ZNF221: variants seen among roughly 807,000 people sequenced by gnomAD.
ZNF221 encodes the protein zinc finger protein 221.
In ZNF221, 10 loss-of-function variants were observed where a neutral mutation model predicts 12.6. The ratio of observed to expected loss-of-function variants is 0.79; its 90% confidence interval spans 0.49 to 1.34. The LOEUF (loss-of-function observed/expected upper bound fraction) is 1.34, where lower values mean the gene tolerates loss of function less well. ZNF221 is among the 40% of genes most tolerant of loss of function. The pLI is 0.00. For missense variants in ZNF221, 661 were observed against 721.4 expected (o/e 0.92, Z 0.96); for synonymous variants, 232 against 244.0 (o/e 0.95, Z 0.46).
Position 43,966,351 on chromosome 19 carries a change from T to C in ZNF221, c.849T>C (p.Asn283=), listed in dbSNP as rs1285790654. 55 of 1,613,992 alleles carry C rather than the reference T, an allele frequency of 3.4e-5. No homozygotes were observed. Among genetic ancestry groups the C allele is most frequent in the Non-Finnish European group, 4.5e-5 (53 of 1,180,018 alleles). ...TGCACACAGGAGAGAAACCTTATAATTGTGAGGAATGTGGGAAAGCCTTCA... is the reference window on the plus strand; with the variant it reads ...TGCACACAGGAGAGAAACCTTATAACTGTGAGGAATGTGGGAAAGCCTTCA... ...CKLHTGEKPY[N]CEECGKAFIH... is the part of the protein sequence containing the mutation. Residue 283 remains asparagine (N), a synonymous_variant, in exon 5 of 5, where the codon AAT becomes AAC. Transcript: ENST00000587682.
At chr19:43,975,388 A>G in the ZNF221 span, among the ~76,000 whole-genome samples, 7 of 152,008 alleles carry the variant, frequency 4.6e-5, no homozygotes, top group Non-Finnish European at 8.8e-5. Flanking sequence ...TAGATCATCC[A>G]GGACATGGAT....
intron 1 of ZNF221, among the ~76,000 whole-genome samples, chr19:43,958,044 T>C (rs1005140228): frequency 2.0e-5 from 3 of 152,222 alleles, no homozygotes; most frequent in African/African-American, 7.2e-5. Flanking sequence ...AGGATGTCTT[T>C]GGTTGATGAT....
chr19:43,969,887 G>T (rs73038602), downstream of ZNF221, among the ~76,000 whole-genome samples: 3 of 152,116 alleles, frequency 2.0e-5, no homozygotes, highest in Admixed American at 1.3e-4. Context: ...CTCCCCCACC[G>T]CAGCACACCT....
rs913073299 is a variant in ZNF221 at position 43,965,120 on chromosome 19, A to T, written c.208+44A>T. On this transcript the variant is annotated intron_variant, in intron 3 of 4. Coordinates refer to ENST00000587682, the MANE Select transcript of ZNF221 (RefSeq NM_001297588.2). ...TGTAACAGAATGTTAGGCCCCAGGAATGGCTTTGTATTCCAAGTTTGAGTA... is the reference window on the plus strand; with the variant it reads ...TGTAACAGAATGTTAGGCCCCAGGATTGGCTTTGTATTCCAAGTTTGAGTA... 3.7e-6 allele frequency: 6 copies of T among 1,606,050 alleles called. No individual in the cohort carries two copies. The African/African-American group carries it at 5.4e-5, about 14-fold the overall frequency.
Position 43,966,063 on chromosome 19 carries a change from T to G in ZNF221, c.561T>G (p.Leu187=), listed in dbSNP as rs1245147979. 1.9e-6 allele frequency: 3 copies of G among 1,614,132 alleles called. No homozygotes were observed. The African/African-American group carries it at 4.0e-5, about 22-fold the overall frequency. ...TCAGTGATGTTTCTGTCTTTGATCTTCATCAACAATCACACTCAGGAGAGA... is the reference window on the plus strand; with the variant it reads ...TCAGTGATGTTTCTGTCTTTGATCTGCATCAACAATCACACTCAGGAGAGA... ...QSFSDVSVFD[L]HQQSHSGEKS... The change falls in exon 5 of 5, where the codon CTT becomes CTG. Residue 187 remains leucine (L), a synonymous_variant. Transcript: ENST00000587682.
At chr19:43,959,163 T>C (rs1167500876) in intron 1 of ZNF221, among the ~76,000 whole-genome samples, 1 of 152,252 alleles carries the variant, frequency 6.6e-6, no homozygotes, top group African/African-American at 2.4e-5. Flanking sequence ...TTAGTTTCTC[T>C]CACAATCCAG....
intron 1 of ZNF221, among the ~76,000 whole-genome samples, chr19:43,961,563 G>T (rs1275475833): frequency 2.0e-5 from 3 of 151,528 alleles, no homozygotes; most frequent in Non-Finnish European, 4.4e-5. Flanking sequence ...ATTAGATATG[G>T]CTAGACACCA....
At chr19:43,972,899 T>G in the ZNF221 span, among the ~76,000 whole-genome samples, 1 of 152,122 alleles carries the variant, frequency 6.6e-6, no homozygotes, top group Admixed American at 6.5e-5. Context: ...TTAACTCTTT[T>G]TATGAGGCCA....
downstream of ZNF221, among the ~76,000 whole-genome samples, chr19:43,972,100 C>CA (rs1975109779): frequency 2.0e-5 from 3 of 152,096 alleles, no homozygotes; most frequent in South Asian, 6.2e-4. Flanking sequence ...GAAATTCACC[C>CA]AAAAAATTAA....
At chr19:43,975,202 T>A in the ZNF221 span, among the ~76,000 whole-genome samples, 1 of 152,136 alleles carries the variant, frequency 6.6e-6, no homozygotes, top group South Asian at 2.1e-4. Context: ...CTGTAATATA[T>A]ACCCCCAAAT....
chr19:43,962,663 G>A lies in ZNF221; in HGVS notation c.-2-62G>A, dbSNP rs542152063. On this transcript the variant is annotated intron_variant, in intron 1 of 4. Coordinates refer to ENST00000587682, the MANE Select transcript of ZNF221 (RefSeq NM_001297588.2). Reference sequence around the variant, plus strand: ...TAATTGAAAATACTTGTCTATGTTGGTGGTCGGCATTCCTAGTTACCATTT... The same window carrying A: ...TAATTGAAAATACTTGTCTATGTTGATGGTCGGCATTCCTAGTTACCATTT... 992 of 1,454,544 alleles carry A rather than the reference G, an allele frequency of 6.8e-4. 16 individuals are homozygous for A. The Middle Eastern group carries it at 9.0e-3, about 13-fold the overall frequency. The allele number at this position is 1,454,544 out of a possible 1,614,324, so 90.1% of individuals were successfully genotyped here.
chr19:43,970,469 G>T (rs1032726864), downstream of ZNF221, among the ~76,000 whole-genome samples: 1 of 152,174 alleles, frequency 6.6e-6, no homozygotes, highest in Non-Finnish European at 1.5e-5. Context: ...GAACTTTGCT[G>T]AGCTAAAGGA....
chr19:43,954,998 G>A (rs1051653793), intron 1 of ZNF221, among the ~76,000 whole-genome samples: 2 of 151,990 alleles, frequency 1.3e-5, no homozygotes, highest in Non-Finnish European at 2.9e-5. Context: ...GACAATCAAT[G>A]TTTTAATTGC....
chr19:43,966,502 G>A lies in ZNF221; in HGVS notation c.1000G>A (p.Gly334Arg), dbSNP rs1026515248. 4 of 1,614,026 alleles carry A rather than the reference G, an allele frequency of 2.5e-6. No individual in the cohort carries two copies. The highest frequency in any genetic ancestry group is 1.3e-5 in the African/African-American group (1 of 74,904). The change falls in exon 5 of 5, where the codon GGA (glycine) becomes AGA (arginine). Residue 334 changes from glycine (G) to arginine (R), a missense_variant. Physicochemically the swap from Gly to Arg is moderately radical, Grantham distance 125 (BLOSUM62 -2). Transcript: ENST00000587682. ...RLNRHSMVHTGEKPFRCDTCG... is the reference protein window; with the variant it reads ...RLNRHSMVHTREKPFRCDTCG... ...TAATAGGCATTCCATGGTTCACACA[G>A]GAGAAAAACCATTCAGATGTGATAC...
downstream of ZNF221, among the ~76,000 whole-genome samples, chr19:43,972,418 A>C (rs749138468): frequency 6.6e-6 from 1 of 152,188 alleles, no homozygotes; most frequent in African/African-American, 2.4e-5. Flanking sequence ...AGATCAGAGC[A>C]GAACTCAAGG....
the ZNF221 span, among the ~76,000 whole-genome samples, chr19:43,972,824 C>T: frequency 1.4e-5 from 2 of 141,068 alleles, no homozygotes; most frequent in Non-Finnish European, 3.0e-5. Context: ...ACCAGAGGTA[C>T]AAAAAAGAGC....
At position 43,967,301 on chromosome 19, in the gene ZNF221, C is replaced by T. The variant is rs1338514914; in HGVS notation, c.1799C>T (p.Ser600Leu). 1 of 1,613,322 alleles carries T rather than the reference C, an allele frequency of 6.2e-7. No individual in the cohort carries two copies. Among genetic ancestry groups the T allele is most frequent in the African/African-American group, 1.3e-5 (1 of 74,730 alleles). ...TCTGGAGTGTGGGAAGAGATCTACT[C>T]AGAATTCACAGCTTCATTTACATCA... ...LKSGVWEEIYSEFTASFTSVS... is the reference protein window; with the variant it reads ...LKSGVWEEIYLEFTASFTSVS... The change falls in exon 5 of 5, where the codon TCA (serine) becomes TTA (leucine). Residue 600 changes from serine (S) to leucine (L), a missense_variant. Physicochemically the swap from Ser to Leu is moderately radical, Grantham distance 145 (BLOSUM62 -2). Coordinates refer to ENST00000587682, the MANE Select transcript of ZNF221 (RefSeq NM_001297588.2).
At chr19:43,969,105 G>A (rs1975041107), downstream of ZNF221, among the ~76,000 whole-genome samples, 1 of 152,150 alleles carries the variant, frequency 6.6e-6, no homozygotes, top group Non-Finnish European at 1.5e-5. Flanking sequence ...CACTTCCATG[G>A]CACCTTACAA....
chr19:43,976,119 A>T, the ZNF221 span, among the ~76,000 whole-genome samples: 1 of 152,008 alleles, frequency 6.6e-6, no homozygotes, highest in Non-Finnish European at 1.5e-5. Flanking sequence ...CTGGCCTTGA[A>T]CTTCTAGGCT....
Sources: allele counts gnomAD v4.1 joint callset (sites outside exome capture counted in the v4.1 genomes callset), GRCh38; gene constraint gnomAD v4.1.1; transcripts MANE v1.5; gene names NCBI Gene and HGNC (gene_info 2026-07-23, HGNC 2026-07-21).